Variants in FBXW10 observed in about 807,000 individuals in gnomAD.
FBXW10 encodes the protein F-box and WD repeat domain containing 10.
Under a neutral mutation model 113.1 loss-of-function variants are expected in FBXW10, and 68 were observed. The ratio of observed to expected loss-of-function variants is 0.60; its 90% confidence interval spans 0.49 to 0.74. FBXW10 has a LOEUF of 0.74. Ranked by LOEUF, FBXW10 falls within the 30% of genes least tolerant of loss-of-function variation. FBXW10 has a pLI of 0.00. For synonymous variants in FBXW10, 289 were observed against 481.6 expected (o/e 0.60, Z 5.24); for missense variants, 753 against 1,284.5 (o/e 0.59, Z 6.32).
Position 18,768,529 on chromosome 17 carries a change from T to G in FBXW10, c.1705-5T>G, listed in dbSNP as rs781375191. 5.0e-6 allele frequency: 8 copies of G among 1,613,916 alleles called. No individual in the cohort carries two copies. Among genetic ancestry groups the G allele is most frequent in the Non-Finnish European group, 6.8e-6 (8 of 1,179,994 alleles). ...AGTTGAAGACAGTGGTATCTTTTCTTGCAGACTCTCAGTGGCCATGAGGGA... is the reference window on the plus strand; with the variant it reads ...AGTTGAAGACAGTGGTATCTTTTCTGGCAGACTCTCAGTGGCCATGAGGGA... On this transcript the variant is annotated splice_polypyrimidine_tract_variant and splice_region_variant and intron_variant, in intron 9 of 13. Transcript: ENST00000395665.
intron 5 of FBXW10, among the ~76,000 whole-genome samples, chr17:18,754,838 A>G (rs567079709): frequency 6.6e-6 from 1 of 152,326 alleles, no homozygotes; most frequent in Non-Finnish European, 1.5e-5. Context: ...GACTTGATAA[A>G]ATTGATTTCC....
intron 7 of FBXW10, among the ~76,000 whole-genome samples, chr17:18,761,892 G>A (rs1335499421): frequency 6.6e-6 from 1 of 152,006 alleles, no homozygotes; most frequent in Non-Finnish European, 1.5e-5. Flanking sequence ...TTGATCTTGT[G>A]TCTGGCATCC....
intron 5 of FBXW10, 64 bp from the exon 6 acceptor site, chr17:18,755,981 G>T (rs1399819665): frequency 2.0e-6 from 3 of 1,498,066 alleles, no homozygotes; most frequent in African/African-American, 2.7e-5. Flanking sequence ...AGACCCTAGG[G>T]GCTCTGGGAC....
intron 9 of FBXW10, among the ~76,000 whole-genome samples, chr17:18,767,666 G>C (rs1210679454): frequency 6.6e-6 from 1 of 152,156 alleles, no homozygotes; most frequent in Non-Finnish European, 1.5e-5. Context: ...ATGATTTGCA[G>C]CAGGAACACA....
At chr17:18,768,705 A>G in intron 10 of FBXW10, 29 bp downstream of exon 10, 1 of 1,612,192 alleles carries the variant, frequency 6.2e-7, no homozygotes. Context: ...CGGAGCGATG[A>G]ACCTGGTGTC....
At chr17:18,750,160 G>A (rs144428015) in intron 4 of FBXW10, 23 bp downstream of exon 4, 123,868 of 1,587,562 alleles carry the variant, frequency 0.078, 3,555 homozygotes, top group South Asian at 0.11. Context: ...AGTCTGAAAG[G>A]GGAATGTCTG....
chr17:18,767,051 A>C (rs1260838808), intron 9 of FBXW10, among the ~76,000 whole-genome samples, 189 bp downstream of exon 9: 1 of 152,172 alleles, frequency 6.6e-6, no homozygotes, highest in Non-Finnish European at 1.5e-5. Context: ...GGGCTCCACC[A>C]CCCACATCAT....
At chr17:18,766,303 G>T (rs950806703) in intron 8 of FBXW10, among the ~76,000 whole-genome samples, 3 of 151,904 alleles carry the variant, frequency 2.0e-5, no homozygotes, top group African/African-American at 7.3e-5. Flanking sequence ...TGTATGCCAT[G>T]ATTTTCTTTT....
intron 9 of FBXW10, among the ~76,000 whole-genome samples, chr17:18,767,353 G>A (rs948122791): frequency 5.9e-4 from 90 of 151,478 alleles, no homozygotes; most frequent in Middle Eastern, 3.4e-3. Context: ...GGTGGTGGGC[G>A]CTTGTAACCT....
chr17:18,762,618 G>A (rs1484507178), intron 7 of FBXW10, among the ~76,000 whole-genome samples: 2 of 152,010 alleles, frequency 1.3e-5, no homozygotes, highest in South Asian at 2.1e-4. Context: ...CACCACGCCC[G>A]GCCGACAATA....
At chr17:18,765,270 C>A (rs2035473289) in intron 8 of FBXW10, among the ~76,000 whole-genome samples, 3 of 152,210 alleles carry the variant, frequency 2.0e-5, no homozygotes, top group African/African-American at 7.2e-5. Flanking sequence ...GCTTAACATA[C>A]ATTATTTAAT....
chr17:18,747,828 C>T, intron 1 of FBXW10, 113 bp from the exon 2 acceptor site: 1 of 1,460,494 alleles, frequency 6.8e-7, no homozygotes, highest in Non-Finnish European at 9.1e-7. Context: ...TGCTCTGGTC[C>T]ATTCTGTACA....
intron 6 of FBXW10, among the ~76,000 whole-genome samples, chr17:18,757,373 C>T (rs1438504883): frequency 5.3e-5 from 8 of 152,162 alleles, no homozygotes; most frequent in Admixed American, 2.6e-4. Flanking sequence ...TTTGTAGAGA[C>T]GGGGTTTCGT....
In FBXW10 at chr17:18,744,385, G is replaced by C. The variant is rs1055730216; in HGVS notation, c.141G>C (p.Arg47Ser). The change falls in exon 1 of 14, where the codon AGG becomes AGC. Residue 47 changes from arginine (R) to serine (S), a missense_variant. Physicochemically the swap from Arg to Ser is moderately radical, Grantham distance 110 (BLOSUM62 -1). Coordinates refer to ENST00000395665, the MANE Select transcript of FBXW10 (RefSeq NM_001267585.2). ...TCTCTACCAAAGAGTGGTTCTGCAG[G>C]ATCAATGACATATCACAGAGGAGGT... ...KIFSTKEWFC[R>S]INDISQRRFL... 1 of 1,613,630 alleles carries C rather than the reference G, an allele frequency of 6.2e-7. No individual in the cohort carries two copies. Among genetic ancestry groups the C allele is most frequent in the African/African-American group, 1.3e-5 (1 of 74,830 alleles).
Position 18,750,963 on chromosome 17 carries a change from T to G in FBXW10, c.1032T>G (p.Tyr344Ter), listed in dbSNP as rs372134223. Reference protein sequence around the residue: ...GSYTRGIDPNYANKVSIPVPK... With the variant: ...GSYTRGIDPN ...ACACAAGAGGAATTGATCCTAATTA[T>G]GCCAATAAGGTTTCTATCCCAGTTC... is the stretch of plus-strand genomic sequence containing the variant. Residue 344 changes from tyrosine (Y) to a stop codon, truncating the protein, a stop_gained, in exon 5 of 14, where the codon TAT becomes TAG. Transcript: ENST00000395665. LOFTEE classifies it high-confidence loss of function. 5.6e-6 allele frequency: 9 copies of G among 1,614,146 alleles called. No homozygotes were observed. The highest frequency in any genetic ancestry group is 6.8e-6 in the Non-Finnish European group (8 of 1,179,976).
chr17:18,752,502 C>T (rs1333795292), intron 5 of FBXW10, among the ~76,000 whole-genome samples: 1 of 152,058 alleles, frequency 6.6e-6, no homozygotes, highest in Non-Finnish European at 1.5e-5. Flanking sequence ...ATCACTAGGT[C>T]AGGAGTTTGA....
chr17:18,755,319 A>G (rs2151800142), intron 5 of FBXW10, among the ~76,000 whole-genome samples: 1 of 151,956 alleles, frequency 6.6e-6, no homozygotes, highest in African/African-American at 2.4e-5. Context: ...CACTTTGGGA[A>G]GCCGAGGCAG....
At chr17:18,761,153 C>G (rs1431401932) in intron 7 of FBXW10, among the ~76,000 whole-genome samples, 2 of 152,024 alleles carry the variant, frequency 1.3e-5, no homozygotes, top group African/African-American at 4.8e-5. Context: ...AGTCCACTGC[C>G]TTTCTGTTTT....
In FBXW10 at chr17:18,745,183, A is replaced by C. The variant is rs991350820; in HGVS notation, c.505+434A>C. Reference sequence around the variant, plus strand: ...AAACCAGACCAAGAAGTCAAAACTTAGGGCTTTTTTTTTTTTTTTCATTCA... The same window carrying C: ...AAACCAGACCAAGAAGTCAAAACTTCGGGCTTTTTTTTTTTTTTTCATTCA... On this transcript the variant is annotated intron_variant, in intron 1 of 13. Transcript: ENST00000395665. 4.2e-6 allele frequency: 4 copies of C among 948,356 alleles called. No individual in the cohort carries two copies. The Admixed American group carries it at 2.1e-4, about 50-fold the overall frequency. The allele number at this position is 948,356 out of a possible 1,614,324, so 58.7% of individuals were successfully genotyped here.
Sources: allele counts gnomAD v4.1 joint callset (sites outside exome capture counted in the v4.1 genomes callset), GRCh38; gene constraint gnomAD v4.1.1; transcripts MANE v1.5; gene names NCBI Gene and HGNC (gene_info 2026-07-23, HGNC 2026-07-21).